Variants in TAF6 observed in about 807,000 individuals in gnomAD.
TAF6 encodes the protein TATA-box binding protein associated factor 6.
A neutral mutation model predicts 73.5 loss-of-function variants in TAF6; 50 were observed. The observed-to-expected ratio is 0.68, with a 90% confidence interval of 0.54 to 0.86. The LOEUF (loss-of-function observed/expected upper bound fraction) is 0.86. Among genes scored for constraint, TAF6 ranks in the 40% least tolerant of loss-of-function variants. The pLI is 0.00. For synonymous variants in TAF6, 424 were observed against 376.7 expected (o/e 1.13, Z -1.45); for missense variants, 768 against 899.5 (o/e 0.85, Z 1.87).
rs1584580731 is a variant in TAF6, at chr7:100,119,264, A to G, written c.-120T>C. ...GGGTCTCCTCCGGGGTACCACTCAG[A>G]CCCGCCCCCGCCACCCGAGCGCGGG... On this transcript the variant is annotated 5_prime_UTR_variant, in exon 1 of 15. Transcript: ENST00000453269. 2 of 1,030,996 alleles carry G rather than the reference A, an allele frequency of 1.9e-6. No homozygotes were observed. Among genetic ancestry groups the G allele is most frequent in the Middle Eastern group, 9.8e-4 (2 of 2,048 alleles). The allele number at this position is 1,030,996 out of a possible 1,614,324, so 63.9% of individuals were successfully genotyped here.
upstream of TAF6, chr7:100,119,627 C>A (rs1797960451): frequency 4.4e-6 from 7 of 1,593,092 alleles, no homozygotes; most frequent in Non-Finnish European, 6.0e-6. Context: ...CCTGCGCATG[C>A]GCCGACCTTC....
At chr7:100,113,182 C>T (rs1018912492) in intron 5 of TAF6, among the ~76,000 whole-genome samples, 167 bp downstream of exon 5, 2 of 151,980 alleles carry the variant, frequency 1.3e-5, no homozygotes, top group South Asian at 2.1e-4. Context: ...ACAAGAATCG[C>T]GTGAACCCAG....
At chr7:100,115,915 G>A (rs536414499) in intron 1 of TAF6, among the ~76,000 whole-genome samples, 44 of 152,186 alleles carry the variant, frequency 2.9e-4, no homozygotes, top group African/African-American at 1.0e-3. Context: ...AGGTTGCAGT[G>A]AGCCAAGATC....
rs1796811205 is a variant in TAF6, at chr7:100,108,526, A to G, written c.1299T>C (p.Pro433=). The change falls in exon 13 of 15, where the codon CCT becomes CCC. Residue 433 remains proline (P), a synonymous_variant. Transcript: ENST00000453269. ...VQSLLLKHCA[P]VLAKLRPPPD... ...GCGGTGGGCGCAGCTTTGCCAGAAC[A>G]GGAGCACAGTGTTTCTGCAGAACAG... 6.2e-7 allele frequency: 1 copy of G among 1,609,892 alleles called. No homozygotes were observed. Among genetic ancestry groups the G allele is most frequent in the Non-Finnish European group, 8.5e-7 (1 of 1,176,886 alleles).
rs1159726640 is a variant in TAF6, at chr7:100,118,066, A to C, written c.-60+1138T>G. 2.0e-5 allele frequency among the ~76,000 whole-genome samples: 3 copies of C among 150,734 alleles called. No individual in the cohort carries two copies. The East Asian group carries it at 5.9e-4, about 30-fold the overall frequency. ...GTCTCAAAAAAAAAAAAAAAACAAA[A>C]AAAGCAAAGTGGAGCCAGGTGCAGT... On this transcript the variant is annotated intron_variant, in intron 1 of 14. Transcript: ENST00000453269.
chr7:100,108,825 A>C, intron 12 of TAF6: 1 of 284,514 alleles, frequency 3.5e-6, no homozygotes, highest in Non-Finnish European at 6.6e-6. Flanking sequence ...ACTTGAGGTC[A>C]AGAGCCTGGC....
rs761653566 is a variant in TAF6 at position 100,108,508 on chromosome 7, G to T, written c.1317C>A (p.Arg439=). 2.5e-6 allele frequency: 4 copies of T among 1,612,734 alleles called. No homozygotes were observed. Among genetic ancestry groups the T allele is most frequent in the Non-Finnish European group, 2.5e-6 (3 of 1,178,982 alleles). The stretch of plus-strand genomic sequence containing the variant: ...AGGCGTCCTGATTGTCAGGCGGTGG[G>T]CGCAGCTTTGCCAGAACAGGAGCAC... ...KHCAPVLAKL[R]PPPDNQDAYR... is the part of the protein sequence containing the mutation. The change falls in exon 13 of 15, where the codon CGC becomes CGA. Residue 439 remains arginine (R), a synonymous_variant. Coordinates refer to ENST00000453269, the MANE Select transcript of TAF6 (RefSeq NM_139315.3).
chr7:100,109,842 G>T, intron 12 of TAF6, 106 bp downstream of exon 12: 1 of 1,518,650 alleles, frequency 6.6e-7, no homozygotes. Context: ...AATGTCCTCT[G>T]AAAACATGAG....
the TAF6 span, among the ~76,000 whole-genome samples, chr7:100,125,880 C>T: frequency 6.6e-6 from 1 of 152,110 alleles, no homozygotes; most frequent in Non-Finnish European, 1.5e-5. Context: ...CTCGTCTCTA[C>T]CAAAAATACA....
rs892506024 is a variant in TAF6 at position 100,108,641 on chromosome 7, T to C, written c.1285-101A>G. The C allele has an allele frequency of 9.0e-6, 12 of 1,339,418 alleles. No individual in the cohort carries two copies. In the African/African-American group the frequency reaches 1.3e-4, roughly 15 times the overall value. The allele number at this position is 1,339,418 out of a possible 1,614,324, so 83.0% of individuals were successfully genotyped here. A position where few individuals can be genotyped will look rare whatever the true frequency, so the allele number is the denominator to read the frequency against. On this transcript the variant is annotated intron_variant, in intron 12 of 14. Transcript: ENST00000453269. Reference sequence around the variant, plus strand: ...CTTGAGAAGAACCTTGGGGATGGGGTAAAAAAGGACATTCCTTATCATCTC... The same window carrying C: ...CTTGAGAAGAACCTTGGGGATGGGGCAAAAAAGGACATTCCTTATCATCTC...
At chr7:100,108,580 G>C in intron 12 of TAF6, 40 bp from the exon 13 acceptor site, 1 of 1,559,322 alleles carries the variant, frequency 6.4e-7, no homozygotes, top group Non-Finnish European at 8.7e-7. Context: ...GGAGGGCTGG[G>C]GAAAAAAGCC....
rs534702130 is a variant in TAF6, at chr7:100,110,136, A to G, written c.1159-63T>C. 5.0e-6 allele frequency: 8 copies of G among 1,614,040 alleles called. No homozygotes were observed. In the African/African-American group the frequency reaches 1.1e-4, roughly 22 times the overall value. ...TCACCAGGGTCTCCCAGATGGGGGT[A>G]CAGTGCCCTCTATAACCTCATGACT... On this transcript the variant is annotated intron_variant, in intron 11 of 14. Transcript: ENST00000453269.
chr7:100,108,568 A>T (rs368267898), intron 12 of TAF6, 28 bp from the exon 13 acceptor site: 24 of 1,571,962 alleles, frequency 1.5e-5, no homozygotes, highest in Non-Finnish European at 2.0e-5. Flanking sequence ...AGCCAGGTAG[A>T]GGGAGGGCTG....
upstream of TAF6, chr7:100,124,804 G>C: frequency 6.2e-7 from 1 of 1,613,638 alleles, no homozygotes; most frequent in Non-Finnish European, 8.5e-7. Context: ...AGCAGGAGGA[G>C]GAGGAGGAAG....
chr7:100,113,074 G>A (rs916932779), intron 5 of TAF6, among the ~76,000 whole-genome samples, 157 bp from the exon 6 acceptor site: 9 of 152,018 alleles, frequency 5.9e-5, no homozygotes, highest in African/African-American at 2.2e-4. Flanking sequence ...AGACCAGCCT[G>A]GCCAACATGG....
chr7:100,114,485 C>A (rs2116825118), intron 1 of TAF6: 1 of 611,704 alleles, frequency 1.6e-6, no homozygotes, highest in Admixed American at 2.8e-5. Flanking sequence ...TTTGGGAGGA[C>A]GAGGCGGGCG....
rs1399281353 is a variant in TAF6 at position 100,114,226 on chromosome 7, TCCTC to T, written c.-21_-18del. ...CTCAGCCATTCTGGAGTCCCTCTTC[TCCTC>T]CCTGGAAGGATGAAGCCCCCGGTGG... On this transcript the variant is annotated 5_prime_UTR_variant, in exon 2 of 15. Transcript: ENST00000453269. 6.2e-7 allele frequency: 1 copy of T among 1,613,510 alleles called. No individual in the cohort carries two copies. The highest frequency in any genetic ancestry group is 8.5e-7 in the Non-Finnish European group (1 of 1,179,990).
At chr7:100,121,114 ATATTTTTTTTTTTTTTT>A (rs1265521747), upstream of TAF6, 7 of 31,148 alleles carry the variant, frequency 2.2e-4, no homozygotes, top group Non-Finnish European at 3.3e-4. Flanking sequence ...ATATATATAT[ATATTTTTTTTTTTTTTT>A]TTTTTTTTTT....
At chr7:100,112,063 AG>A (rs1458765533) in intron 7 of TAF6, 44 bp downstream of exon 7, 1 of 1,613,696 alleles carries the variant, frequency 6.2e-7, no homozygotes, top group Non-Finnish European at 8.5e-7. Flanking sequence ...TAGGGCCCCC[AG>A]GAGGAGGCGT....
Sources: gnomAD v4.1 joint callset for allele counts (sites outside exome capture counted in the v4.1 genomes callset) on GRCh38, gnomAD v4.1.1 for gene constraint, MANE v1.5 for transcripts, NCBI Gene and HGNC (gene_info 2026-07-23, HGNC 2026-07-21) for gene names.